The following CDH13 variants were observed in gnomAD, a reference collection of about 807,000 sequenced individuals.
CDH13 encodes the protein cadherin 13.
In CDH13, 24 loss-of-function variants were observed where a neutral mutation model predicts 63.8. The ratio of observed to expected loss-of-function variants is 0.38; its 90% CI spans 0.27 to 0.53. The LOEUF (loss-of-function observed/expected upper bound fraction) is 0.53, where lower values mean the gene tolerates loss of function less well. CDH13 is among the 20% of genes least tolerant of loss of function. The pLI, the probability that CDH13 is intolerant of heterozygous loss-of-function variation, is 0.85. For synonymous variants in CDH13, 503 were observed against 355.3 expected (o/e 1.42, Z -4.67); for missense variants, 1,049 against 903.1 (o/e 1.16, Z -2.07).
intron 1 of CDH13, among the ~76,000 whole-genome samples, chr16:82,783,525 T>C (rs1025859374): frequency 2.0e-5 from 3 of 152,224 alleles, no homozygotes; most frequent in African/African-American, 7.2e-5. Flanking sequence ...CTGAGATTAG[T>C]GACAGCAGCC....
chr16:83,485,486 C>T (rs2073865267), intron 6 of CDH13, among the ~76,000 whole-genome samples: 1 of 152,136 alleles, frequency 6.6e-6, no homozygotes, highest in African/African-American at 2.4e-5. Flanking sequence ...CCATGTTACC[C>T]TCATTTTATA....
At chr16:83,052,101 C>G (rs1273056855) in intron 3 of CDH13, among the ~76,000 whole-genome samples, 1 of 152,166 alleles carries the variant, frequency 6.6e-6, no homozygotes, top group Non-Finnish European at 1.5e-5. Flanking sequence ...CATGCATTCT[C>G]TGCTTACTTC....
intron 1 of CDH13, among the ~76,000 whole-genome samples, chr16:82,795,795 G>A (rs1043934698): frequency 6.6e-6 from 1 of 152,066 alleles, no homozygotes; most frequent in Non-Finnish European, 1.5e-5. Flanking sequence ...TTCTTTGCCA[G>A]TTTGTCTTGG....
At chr16:82,767,118 G>C (rs372974880) in intron 1 of CDH13, among the ~76,000 whole-genome samples, 32 of 152,162 alleles carry the variant, frequency 2.1e-4, no homozygotes, top group African/African-American at 7.2e-4. Context: ...TTTTTCAGTA[G>C]AGTTCAATAT....
At chr16:83,625,709 G>A (rs1407909285) in intron 8 of CDH13, among the ~76,000 whole-genome samples, 1 of 152,156 alleles carries the variant, frequency 6.6e-6, no homozygotes, top group Non-Finnish European at 1.5e-5. Flanking sequence ...CCTGAGGGAG[G>A]GCAGCTTGGT....
At chr16:83,102,710 G>T (rs910342293) in intron 3 of CDH13, among the ~76,000 whole-genome samples, 4 of 152,056 alleles carry the variant, frequency 2.6e-5, no homozygotes, top group African/African-American at 9.7e-5. Flanking sequence ...GCAGTTAGGA[G>T]GATTGTGTTT....
chr16:83,376,288 A>G (rs1194279157), intron 6 of CDH13, among the ~76,000 whole-genome samples: 1 of 152,134 alleles, frequency 6.6e-6, no homozygotes, highest in Non-Finnish European at 1.5e-5. Flanking sequence ...CTCTGTATGC[A>G]CAGATGTGGA....
chr16:82,924,179 G>C (rs1241329291), intron 2 of CDH13, among the ~76,000 whole-genome samples: 2 of 152,156 alleles, frequency 1.3e-5, no homozygotes, highest in Non-Finnish European at 2.9e-5. Context: ...GTAAGAAGGT[G>C]GTAAATGTAA....
chr16:83,106,007 G>A (rs1458287821), intron 3 of CDH13, among the ~76,000 whole-genome samples: 1 of 152,224 alleles, frequency 6.6e-6, no homozygotes, highest in African/African-American at 2.4e-5. Context: ...TTGGAACAAT[G>A]TCCGCCTTCA....
At chr16:83,290,689 T>G (rs180882550) in intron 5 of CDH13, among the ~76,000 whole-genome samples, 1 of 152,322 alleles carries the variant, frequency 6.6e-6, no homozygotes, top group Non-Finnish European at 1.5e-5. Flanking sequence ...GAGATCAGAT[T>G]CCTCTTCAGT....
intron 11 of CDH13, among the ~76,000 whole-genome samples, chr16:83,760,294 T>C (rs1188900307): frequency 6.6e-6 from 1 of 152,186 alleles, no homozygotes; most frequent in African/African-American, 2.4e-5. Flanking sequence ...GTTGGAAACA[T>C]AGTATCAACT....
At chr16:82,734,876 G>C (rs963306136) in intron 1 of CDH13, among the ~76,000 whole-genome samples, 10 of 152,202 alleles carry the variant, frequency 6.6e-5, no homozygotes, top group Non-Finnish European at 1.3e-4. Context: ...GCTGCCTGCT[G>C]ACCGCACTCC....
intron 4 of CDH13, among the ~76,000 whole-genome samples, chr16:83,156,273 G>A (rs1243235169): frequency 6.6e-6 from 1 of 152,094 alleles, no homozygotes; most frequent in Non-Finnish European, 1.5e-5. Context: ...TTTGTTAAGG[G>A]CCACTGGTTC....
intron 7 of CDH13, among the ~76,000 whole-genome samples, chr16:83,537,623 C>T (rs910928901): frequency 6.9e-6 from 1 of 144,964 alleles, no homozygotes; most frequent in African/African-American, 2.6e-5. Context: ...ACAGAAGCTT[C>T]TTAGACATTA....
At chr16:83,344,770 G>A (rs1457181023) in intron 5 of CDH13, 92 bp from the exon 6 acceptor site, 2 of 1,390,620 alleles carry the variant, frequency 1.4e-6, no homozygotes, top group East Asian at 2.3e-5. Flanking sequence ...TCATAAAATT[G>A]TCGATATAAC....
intron 5 of CDH13, among the ~76,000 whole-genome samples, chr16:83,329,373 G>A (rs1430318371): frequency 6.6e-6 from 1 of 151,264 alleles, no homozygotes; most frequent in South Asian, 2.1e-4. Context: ...CTGTAGGCAC[G>A]TGCCACCACA....
chr16:83,477,933 G>C (rs557069111), intron 6 of CDH13, among the ~76,000 whole-genome samples: 30 of 152,150 alleles, frequency 2.0e-4, no homozygotes, highest in African/African-American at 7.0e-4. Flanking sequence ...TGTAATCCCA[G>C]CACTTTGGGA....
In CDH13 at chr16:82,701,926, A is replaced by ATGGGTGGGTGCAGT. The variant is rs563808783; in HGVS notation, c.45+74791_45+74804dup. Reference sequence around the variant, plus strand: ...CAGCCACGTGGACTTAGAATACAGGATGGGTGGGTGCAGTTTCCCCGAGGA... The same window carrying ATGGGTGGGTGCAGT: ...CAGCCACGTGGACTTAGAATACAGGATGGGTGGGTGCAGTTGGGTGGGTGCAGTTTCCCCGAGGA... On this transcript the variant is annotated intron_variant, in intron 1 of 13. Coordinates refer to ENST00000567109, the MANE Select transcript of CDH13 (RefSeq NM_001257.5). Among the ~76,000 whole-genome samples, 891 of 152,204 alleles carry ATGGGTGGGTGCAGT rather than the reference A, an allele frequency of 5.9e-3. 5 individuals carry two copies. Among genetic ancestry groups the ATGGGTGGGTGCAGT allele is most frequent in the African/African-American group, 0.017 (725 of 41,526 alleles).
At chr16:82,664,954 C>A (rs1300572251) in intron 1 of CDH13, among the ~76,000 whole-genome samples, 2 of 151,962 alleles carry the variant, frequency 1.3e-5, no homozygotes, top group Non-Finnish European at 1.5e-5. Context: ...TTCATGAATT[C>A]TGTCTTTGTG....
Sources: allele counts gnomAD v4.1 joint callset (sites outside exome capture counted in the v4.1 genomes callset), GRCh38; gene constraint gnomAD v4.1.1; transcripts MANE v1.5; gene names NCBI Gene and HGNC (gene_info 2026-07-23, HGNC 2026-07-21).